The following ROBO2 variants were observed in gnomAD, a reference collection of about 807,000 sequenced individuals.
ROBO2 encodes roundabout homolog 2.
A neutral mutation model predicts 160.8 loss-of-function variants in ROBO2; 53 were observed. The observed-to-expected ratio is 0.33, with a 90% CI of 0.26 to 0.41. The LOEUF (loss-of-function observed/expected upper bound fraction) is 0.41, where lower values mean the gene tolerates loss of function less well. Among genes scored for constraint, ROBO2 ranks in the 10% least tolerant of loss-of-function variants. ROBO2 has a pLI of 1.00. For missense variants in ROBO2, 1,577 were observed against 1,722.4 expected (o/e 0.92, Z 1.49); for synonymous variants, 664 against 611.7 (o/e 1.09, Z -1.26).
chr3:76,452,214 A>T (rs1328650961), intron 2 of ROBO2, among the ~76,000 whole-genome samples: 1 of 152,054 alleles, frequency 6.6e-6, no homozygotes, highest in Non-Finnish European at 1.5e-5. Context: ...TTTAGGGTAC[A>T]TGTGCACAAT....
At chr3:77,526,900 A>G (rs1229036179) in intron 6 of ROBO2, among the ~76,000 whole-genome samples, 1 of 151,448 alleles carries the variant, frequency 6.6e-6, no homozygotes, top group Non-Finnish European at 1.5e-5. Context: ...ATGAAAAGTG[A>G]TGTAATCTCA....
Position 76,617,491 on chromosome 3 carries a change from A to G in ROBO2, c.110-480523A>G, listed in dbSNP as rs146068409. ...TGGTTTTATTGTTGTTACTGTTACAATGGTATTAAGAGATAGTTCAGTATA... is the reference window on the plus strand; with the variant it reads ...TGGTTTTATTGTTGTTACTGTTACAGTGGTATTAAGAGATAGTTCAGTATA... On this transcript the variant is annotated intron_variant, in intron 2 of 26. Coordinates refer to the ROBO2 transcript ENST00000487694. Among the ~76,000 whole-genome samples the G allele has an allele frequency of 3.0e-3, 453 of 152,272 alleles. 3 individuals are homozygous for G. The highest frequency in any genetic ancestry group is 0.011 in the African/African-American group (443 of 41,556).
At chr3:76,602,463 T>A (rs2087228428) in intron 2 of ROBO2, among the ~76,000 whole-genome samples, 1 of 152,220 alleles carries the variant, frequency 6.6e-6, no homozygotes, top group South Asian at 2.1e-4. Flanking sequence ...TTAATTCAAC[T>A]CACAGTTCCA....
At chr3:77,198,856 T>C (rs2082552968) in intron 2 of ROBO2, among the ~76,000 whole-genome samples, 1 of 151,778 alleles carries the variant, frequency 6.6e-6, no homozygotes, top group South Asian at 2.1e-4. Context: ...TGAGCTGAGA[T>C]TGCACCATTG....
chr3:77,521,563 A>G (rs1057318518), intron 5 of ROBO2, among the ~76,000 whole-genome samples: 9 of 151,294 alleles, frequency 5.9e-5, no homozygotes, highest in African/African-American at 2.2e-4. Flanking sequence ...GACATATTTA[A>G]TAAGCAGAAT....
At chr3:76,032,114 TTTC>T (rs1474055569) in intron 2 of ROBO2, among the ~76,000 whole-genome samples, 1 of 152,216 alleles carries the variant, frequency 6.6e-6, no homozygotes, top group East Asian at 1.9e-4. Context: ...AATTTATCCA[TTTC>T]TTCTAGATTT....
intron 2 of ROBO2, among the ~76,000 whole-genome samples, chr3:76,951,808 G>T: frequency 6.6e-6 from 1 of 152,026 alleles, no homozygotes; most frequent in East Asian, 1.9e-4. Flanking sequence ...AATTCTCCCT[G>T]CTCTTACTGT....
intron 2 of ROBO2, among the ~76,000 whole-genome samples, chr3:76,316,270 T>C (rs2072017744): frequency 6.6e-6 from 1 of 152,112 alleles, no homozygotes; most frequent in Non-Finnish European, 1.5e-5. Flanking sequence ...CGTATCTCAG[T>C]CCTTATCTCA....
chr3:76,337,267 A>T (rs1306096108), intron 2 of ROBO2, among the ~76,000 whole-genome samples: 1 of 152,212 alleles, frequency 6.6e-6, no homozygotes, highest in African/African-American at 2.4e-5. Flanking sequence ...TGACATAGAA[A>T]ATAACAGCTC....
chr3:77,173,821 A>T (rs1208684194), intron 2 of ROBO2, among the ~76,000 whole-genome samples: 5 of 152,046 alleles, frequency 3.3e-5, no homozygotes. Context: ...AAACAATATT[A>T]TTTCTCCTAA....
intron 2 of ROBO2, among the ~76,000 whole-genome samples, chr3:76,662,978 T>A (rs2091889350): frequency 6.6e-6 from 1 of 152,042 alleles, no homozygotes; most frequent in Admixed American, 6.6e-5. Context: ...AGACTTGGAT[T>A]TTATATATAG....
rs1006889376 is a variant in ROBO2 at position 76,470,156 on chromosome 3, A to G, written c.109+532554A>G. Among the ~76,000 whole-genome samples the G allele has an allele frequency of 2.6e-5, 4 of 152,170 alleles. No homozygotes were observed. The East Asian group carries it at 7.7e-4, about 29-fold the overall frequency. The stretch of plus-strand genomic sequence containing the variant: ...TATCCAAGTGTCTGCAATAACTAGT[A>G]TGGCTGCCTTGGAGGTCTTTCTTTG... On this transcript the variant is annotated intron_variant, in intron 2 of 26. Transcript: ENST00000487694.
intron 2 of ROBO2, among the ~76,000 whole-genome samples, chr3:76,893,201 G>GACAC (rs147564173): frequency 6.6e-6 from 1 of 151,204 alleles, no homozygotes; most frequent in Admixed American, 6.6e-5. Flanking sequence ...CTTTGGGCCA[G>GACAC]ACACACACAC....
intron 2 of ROBO2, among the ~76,000 whole-genome samples, chr3:77,200,261 CAT>C (rs199692768): frequency 1.4e-5 from 1 of 72,280 alleles, no homozygotes; most frequent in African/African-American, 5.7e-5. Flanking sequence ...TCCTAACTAA[CAT>C]ATTTTATATA....
chr3:76,608,931 T>C (rs2087867170), intron 2 of ROBO2, among the ~76,000 whole-genome samples: 1 of 152,148 alleles, frequency 6.6e-6, no homozygotes, highest in African/African-American at 2.4e-5. Flanking sequence ...CCTCCCAACC[T>C]TTCCCCGAGC....
intron 2 of ROBO2, among the ~76,000 whole-genome samples, chr3:77,258,806 C>T (rs2058592515): frequency 1.3e-5 from 2 of 152,164 alleles, no homozygotes; most frequent in African/African-American, 4.8e-5. Context: ...AAATACCATT[C>T]TTTGGGAATT....
chr3:77,079,288 T>A (rs1017829686), intron 1 of ROBO2, among the ~76,000 whole-genome samples: 1 of 152,226 alleles, frequency 6.6e-6, no homozygotes, highest in Non-Finnish European at 1.5e-5. Flanking sequence ...TACTTTGTGT[T>A]ATACTTTATG....
At chr3:77,640,286 T>C (rs1292303277) in intron 24 of ROBO2, among the ~76,000 whole-genome samples, 1 of 152,026 alleles carries the variant, frequency 6.6e-6, no homozygotes, top group Non-Finnish European at 1.5e-5. Flanking sequence ...TAATTGTTTT[T>C]GTATTTTTAG....
intron 2 of ROBO2, among the ~76,000 whole-genome samples, chr3:76,996,720 C>T (rs540839264): frequency 6.6e-6 from 1 of 152,170 alleles, no homozygotes; most frequent in South Asian, 2.1e-4. Context: ...ACATTCTTAC[C>T]AAGTATTTTC....
Sources: gnomAD v4.1 joint callset for allele counts (sites outside exome capture counted in the v4.1 genomes callset) on GRCh38, gnomAD v4.1.1 for gene constraint, MANE v1.5 for transcripts, NCBI Gene and HGNC (gene_info 2026-07-23, HGNC 2026-07-21) for gene names.